The following ERC1 variants were observed in gnomAD, a reference collection of about 807,000 sequenced individuals.
ERC1 encodes the protein ELKS/RAB6-interacting/CAST family member 1.
ERC1 carries 56 observed loss-of-function variants against 132.0 expected under a neutral mutation model. The observed-to-expected ratio is 0.42, with a 90% CI of 0.34 to 0.53. The LOEUF (loss-of-function observed/expected upper bound fraction) is 0.53. Among genes scored for constraint, ERC1 ranks in the 20% least tolerant of loss-of-function variants. ERC1 has a pLI of 0.03. For synonymous variants in ERC1, 478 were observed against 476.1 expected, an observed-to-expected ratio of 1.00 and a Z score of -0.05; for missense variants, 1,202 against 1,349.9, an observed-to-expected ratio of 0.89 and a Z score of 1.72.
chr12:1,260,591 T>G (rs1264366168), intron 13 of ERC1, among the ~76,000 whole-genome samples: 2 of 152,220 alleles, frequency 1.3e-5, no homozygotes, highest in African/African-American at 4.8e-5. Context: ...AAGCTGTGGT[T>G]CAACACAAGA....
intron 15 of ERC1, among the ~76,000 whole-genome samples, chr12:1,351,570 T>G (rs1178250800): frequency 6.6e-6 from 1 of 152,224 alleles, no homozygotes; most frequent in African/African-American, 2.4e-5. Context: ...GGAGCATCTT[T>G]TTGTATGCTT....
intron 15 of ERC1, among the ~76,000 whole-genome samples, chr12:1,303,661 AAAT>A (rs964952226): frequency 2.7e-5 from 4 of 150,794 alleles, no homozygotes; most frequent in African/African-American, 9.8e-5. Flanking sequence ...AAATAAATAA[AAAT>A]AATTCTATCG....
chr12:1,428,582 G>A (rs767527354), intron 17 of ERC1, among the ~76,000 whole-genome samples: 6 of 152,180 alleles, frequency 3.9e-5, no homozygotes, highest in Admixed American at 6.5e-5. Context: ...TGGAAGACAG[G>A]CCTAACACTT....
At chr12:1,038,057 A>T (rs559591586) in intron 2 of ERC1, among the ~76,000 whole-genome samples, 67 of 151,992 alleles carry the variant, frequency 4.4e-4, no homozygotes, top group African/African-American at 1.5e-3. Flanking sequence ...AAAAAAAAAA[A>T]GAAAAAGAAA....
chr12:1,167,480 C>T (rs565051196), intron 8 of ERC1, among the ~76,000 whole-genome samples: 37 of 152,294 alleles, frequency 2.4e-4, no homozygotes, highest in African/African-American at 8.4e-4. Context: ...GCCTTTTATG[C>T]TCTTCCTTTT....
At chr12:1,076,540 G>A (rs935768679) in intron 2 of ERC1, among the ~76,000 whole-genome samples, 2 of 151,880 alleles carry the variant, frequency 1.3e-5, no homozygotes, top group African/African-American at 2.4e-5. Context: ...GTTTACAGGC[G>A]CGCACCACCA....
intron 12 of ERC1, among the ~76,000 whole-genome samples, chr12:1,221,655 C>T (rs1375826354): frequency 6.6e-6 from 1 of 152,074 alleles, no homozygotes; most frequent in Non-Finnish European, 1.5e-5. Context: ...TAGTCAAAAG[C>T]ATTTTAATTA....
At chr12:1,275,122 A>G (rs185257305) in intron 14 of ERC1, among the ~76,000 whole-genome samples, 11 of 152,340 alleles carry the variant, frequency 7.2e-5, no homozygotes, top group African/African-American at 2.6e-4. Flanking sequence ...TTTAGGTTTT[A>G]TCTCAACCAC....
chr12:1,019,697 C>T (rs931415617), intron 1 of ERC1, among the ~76,000 whole-genome samples: 11 of 152,122 alleles, frequency 7.2e-5, no homozygotes, highest in Admixed American at 2.6e-4. Context: ...TGTTTAGAAC[C>T]TATAAAAAGA....
intron 18 of ERC1, among the ~76,000 whole-genome samples, chr12:1,447,544 CAA>C (rs374201728): frequency 7.7e-6 from 1 of 129,528 alleles, no homozygotes. Context: ...ACAACAACAA[CAA>C]AAAAAAAAAA....
At chr12:1,159,178 AC>A (rs1951668899) in intron 8 of ERC1, among the ~76,000 whole-genome samples, 1 of 152,164 alleles carries the variant, frequency 6.6e-6, no homozygotes, top group Non-Finnish European at 1.5e-5. Flanking sequence ...ATTTTGTTTA[AC>A]CAGAATTGAT....
rs61201010 is a variant in ERC1, at chr12:1,472,654, G to GAAA, written c.3214-17430_3214-17428dup. ...AACAGAGTGTAACCCTGTCTCAAAA[G>GAAA]AAAAAAAAAAAGAGAAGAGAAAAGG... is the stretch of plus-strand genomic sequence containing the variant. On this transcript the variant is annotated intron_variant, in intron 18 of 18. Coordinates refer to ENST00000360905, the MANE Select transcript of ERC1 (RefSeq NM_178040.4). Among the ~76,000 whole-genome samples, 131 of 112,966 alleles carry GAAA rather than the reference G, an allele frequency of 1.2e-3. 2 individuals carry two copies. Among genetic ancestry groups the GAAA allele is most frequent in the Middle Eastern group, 4.6e-3 (1 of 218 alleles). 74.1% of individuals were successfully genotyped at this position (112,966 alleles called of 152,430 possible).
At chr12:1,068,798 G>A (rs1020763061) in intron 2 of ERC1, among the ~76,000 whole-genome samples, 6 of 151,842 alleles carry the variant, frequency 4.0e-5, no homozygotes, top group Non-Finnish European at 8.8e-5. Flanking sequence ...GGGAACTTTC[G>A]CCTTCTTACA....
In ERC1 at chr12:1,333,394, G is replaced by A. The variant is rs543907070; in HGVS notation, c.2781-38439G>A. 6.9e-5 allele frequency among the ~76,000 whole-genome samples: 10 copies of A among 145,226 alleles called. No individual in the cohort carries two copies. The South Asian group carries it at 8.7e-4, about 13-fold the overall frequency. On this transcript the variant is annotated intron_variant, in intron 15 of 18. Transcript: ENST00000360905. ...TGTCGCCAGGCTGGAGTGCAGTGGC[G>A]CGACGTCGGCTCACTGCAATCTCTG...
At chr12:1,336,352 T>C (rs1268442852) in intron 15 of ERC1, among the ~76,000 whole-genome samples, 1 of 152,152 alleles carries the variant, frequency 6.6e-6, no homozygotes, top group Non-Finnish European at 1.5e-5. Context: ...AGTTGTTATA[T>C]TGAGATCTTT....
intron 18 of ERC1, among the ~76,000 whole-genome samples, chr12:1,454,758 T>C (rs2093494692): frequency 6.6e-6 from 1 of 152,230 alleles, no homozygotes; most frequent in Non-Finnish European, 1.5e-5. Context: ...AGTCCATATT[T>C]TTAGCGTTTT....
chr12:1,370,356 G>C (rs1407025284), intron 15 of ERC1, among the ~76,000 whole-genome samples: 1 of 152,182 alleles, frequency 6.6e-6, no homozygotes, highest in East Asian at 1.9e-4. Flanking sequence ...AAAGTGTGCA[G>C]ATCATTGCCA....
intron 17 of ERC1, chr12:1,410,420 T>C (rs757626862): frequency 1.5e-6 from 2 of 1,324,438 alleles, no homozygotes; most frequent in Admixed American, 4.3e-5. Context: ...GCATAGCCAA[T>C]CAGAGGCTTA....
chr12:1,274,409 AGT>A (rs1381488141), intron 14 of ERC1, among the ~76,000 whole-genome samples: 1 of 152,204 alleles, frequency 6.6e-6, no homozygotes, highest in Non-Finnish European at 1.5e-5. Context: ...ATTTTATAAA[AGT>A]GTGTAACAGG....
Sources: gnomAD v4.1 joint callset for allele counts (sites outside exome capture counted in the v4.1 genomes callset) on GRCh38, gnomAD v4.1.1 for gene constraint, MANE v1.5 for transcripts, NCBI Gene and HGNC (gene_info 2026-07-23, HGNC 2026-07-21) for gene names.